Variants in CTNND2 observed in about 807,000 individuals in gnomAD.
The protein encoded by CTNND2 is catenin delta 2.
Under a neutral mutation model 144.4 loss-of-function variants are expected in CTNND2, and 22 were observed. That is an observed-to-expected ratio of 0.15 (90% CI 0.11 to 0.22). The LOEUF is 0.22. CTNND2 is among the 10% of genes least tolerant of loss of function. The pLI, the probability that CTNND2 is intolerant of heterozygous loss-of-function variation, is 1.00. For missense variants in CTNND2, 1,353 were observed against 1,618.8 expected, an observed-to-expected ratio of 0.84 and a Z score of 2.82; for synonymous variants, 751 against 695.6, an observed-to-expected ratio of 1.08 and a Z score of -1.25.
At chr5:11,473,735 G>A (rs561465858) in intron 3 of CTNND2, among the ~76,000 whole-genome samples, 2 of 152,352 alleles carry the variant, frequency 1.3e-5, no homozygotes, top group South Asian at 4.1e-4. Context: ...GGGTGAGCCA[G>A]GAACTGAGGA....
At chr5:11,864,947 T>G (rs1342381110) in intron 1 of CTNND2, among the ~76,000 whole-genome samples, 1 of 138,710 alleles carries the variant, frequency 7.2e-6, no homozygotes, top group Non-Finnish European at 1.5e-5. Context: ...CAGGCTACAG[T>G]GCAATGGCAC....
intron 3 of CTNND2, among the ~76,000 whole-genome samples, chr5:11,520,539 G>T (rs1772632406): frequency 6.6e-6 from 1 of 152,212 alleles, no homozygotes; most frequent in African/African-American, 2.4e-5. Flanking sequence ...TTTCACAAGT[G>T]TTTCTGAGAA....
chr5:11,639,136 G>C (rs998885909), intron 2 of CTNND2, among the ~76,000 whole-genome samples: 3 of 152,138 alleles, frequency 2.0e-5, no homozygotes, highest in Non-Finnish European at 2.9e-5. Flanking sequence ...ATGGGGATGA[G>C]AAGGTGCTAC....
At position 11,884,337 on chromosome 5, in the gene CTNND2, T is replaced by A. The variant is rs147719156; in HGVS notation, c.37+19480A>T. Among the ~76,000 whole-genome samples, 443 of 152,346 alleles carry A rather than the reference T, an allele frequency of 2.9e-3. 2 individuals are homozygous for A. Among genetic ancestry groups the A allele is most frequent in the African/African-American group, 1.0e-2 (415 of 41,576 alleles). On this transcript the variant is annotated intron_variant, in intron 1 of 21. Coordinates refer to ENST00000304623, the MANE Select transcript of CTNND2 (RefSeq NM_001332.4). ...CCTACGTTTCAGTCTTTAATCCATC[T>A]TGAGTTAATTTTTGTATGAGGTACA...
chr5:11,824,098 A>AC (rs1185665405), intron 1 of CTNND2, among the ~76,000 whole-genome samples: 1 of 151,590 alleles, frequency 6.6e-6, no homozygotes, highest in Non-Finnish European at 1.5e-5. Context: ...TGTCTCAAAA[A>AC]AAAAAAAAAA....
chr5:11,013,697 C>A (rs1302295531), intron 18 of CTNND2, among the ~76,000 whole-genome samples: 1 of 152,190 alleles, frequency 6.6e-6, no homozygotes, highest in Non-Finnish European at 1.5e-5. Context: ...GTTGTGATTA[C>A]AGCTGACATT....
chr5:11,648,473 C>T (rs959872988), intron 2 of CTNND2, among the ~76,000 whole-genome samples: 4 of 152,150 alleles, frequency 2.6e-5, no homozygotes, highest in Non-Finnish European at 5.9e-5. Context: ...AATCTACAGA[C>T]CCACTTGGGT....
intron 12 of CTNND2, 98 bp from the exon 13 acceptor site, chr5:11,117,665 T>A: frequency 1.1e-6 from 1 of 889,444 alleles, no homozygotes; most frequent in Non-Finnish European, 1.8e-6. Flanking sequence ...GTAAATGCAT[T>A]TTTCCCCACT....
intron 1 of CTNND2, among the ~76,000 whole-genome samples, chr5:11,866,655 C>T (rs552867949): frequency 3.7e-4 from 57 of 152,204 alleles, no homozygotes; most frequent in Non-Finnish European, 2.2e-4. Flanking sequence ...AAATGTTTTT[C>T]GTGGATCTCC....
At chr5:11,021,404 A>G (rs2149537170) in intron 17 of CTNND2, among the ~76,000 whole-genome samples, 1 of 152,300 alleles carries the variant, frequency 6.6e-6, no homozygotes, top group African/African-American at 2.4e-5. Flanking sequence ...TTAAGATCTT[A>G]ATGCTCAAAA....
intron 3 of CTNND2, among the ~76,000 whole-genome samples, chr5:11,472,358 T>C (rs1433223601): frequency 1.3e-5 from 2 of 152,224 alleles, no homozygotes; most frequent in Middle Eastern, 3.2e-3. Context: ...TTTACTTTTA[T>C]AATTGAAATA....
chr5:11,324,070 T>C (rs1752302726), intron 9 of CTNND2, among the ~76,000 whole-genome samples: 1 of 152,096 alleles, frequency 6.6e-6, no homozygotes, highest in Non-Finnish European at 1.5e-5. Context: ...AGGTGACAGG[T>C]GGAACAGTGT....
intron 1 of CTNND2, among the ~76,000 whole-genome samples, chr5:11,745,670 A>C (rs1341836962): frequency 6.6e-6 from 1 of 152,224 alleles, no homozygotes; most frequent in Non-Finnish European, 1.5e-5. Context: ...CTGCCTGGAC[A>C]CACAAAACCC....
rs1491157781 is a variant in CTNND2, at chr5:11,662,255, GTA to G, written c.174+69879_174+69880del. 1.1e-3 allele frequency among the ~76,000 whole-genome samples: 113 copies of G among 105,334 alleles called. 1 individual carries two copies. Among genetic ancestry groups the G allele is most frequent in the African/African-American group, 5.9e-3 (108 of 18,366 alleles). 69.1% of individuals were successfully genotyped at this position (105,334 alleles called of 152,430 possible). A position where few individuals can be genotyped will look rare whatever the true frequency, so the allele number is the denominator to read the frequency against. On this transcript the variant is annotated intron_variant, in intron 2 of 21. Coordinates refer to ENST00000304623, the MANE Select transcript of CTNND2 (RefSeq NM_001332.4). ...TATGTATATATATACATATATGTGT[GTA>G]TATATGTGTGTGTGTGTATATATAT...
chr5:11,277,994 A>T (rs751441136), intron 9 of CTNND2, among the ~76,000 whole-genome samples: 1 of 152,312 alleles, frequency 6.6e-6, no homozygotes, highest in Middle Eastern at 3.4e-3. Context: ...TGTACCGCAC[A>T]GTAGTTACTT....
chr5:11,556,669 G>A (rs1256667764), intron 3 of CTNND2, among the ~76,000 whole-genome samples: 3 of 152,150 alleles, frequency 2.0e-5, no homozygotes, highest in Non-Finnish European at 4.4e-5. Flanking sequence ...AGCTAATAAA[G>A]AGAATGGCCT....
At chr5:11,579,374 T>C (rs1415209329) in intron 2 of CTNND2, among the ~76,000 whole-genome samples, 1 of 152,170 alleles carries the variant, frequency 6.6e-6, no homozygotes, top group Non-Finnish European at 1.5e-5. Context: ...ATTGCTCCAA[T>C]GTGCGGAAGT....
chr5:11,701,307 A>C (rs1482540042), intron 2 of CTNND2, among the ~76,000 whole-genome samples: 1 of 152,202 alleles, frequency 6.6e-6, no homozygotes, highest in East Asian at 1.9e-4. Context: ...ATTCCATCGG[A>C]TGTCACAGAT....
rs12656902 is a variant in CTNND2, at chr5:11,428,778, T to C, written c.288-16709A>G. Among the ~76,000 whole-genome samples, 1,655 of 152,296 alleles carry C rather than the reference T, an allele frequency of 0.011. 72 individuals are homozygous for C. The East Asian group carries it at 0.12, about 11-fold the overall frequency. On this transcript the variant is annotated intron_variant, in intron 3 of 21. Transcript: ENST00000304623. The stretch of plus-strand genomic sequence containing the variant: ...GCGACTACAACACTTTTATTCAACT[T>C]TCATCATAAAGCATCACTGGCAGAA...
Sources: allele counts gnomAD v4.1 joint callset (sites outside exome capture counted in the v4.1 genomes callset), GRCh38; gene constraint gnomAD v4.1.1; transcripts MANE v1.5; gene names NCBI Gene and HGNC (gene_info 2026-07-23, HGNC 2026-07-21).